ATRNL1: variants seen among roughly 807,000 people sequenced by gnomAD.
ATRNL1 encodes attractin-like protein 1.
Under a neutral mutation model 182.7 loss-of-function variants are expected in ATRNL1, and 95 were observed. The observed-to-expected ratio is 0.52, with a 90% CI of 0.44 to 0.62. The LOEUF (loss-of-function observed/expected upper bound fraction) is 0.62. Ranked by LOEUF, ATRNL1 falls within the 20% of genes least tolerant of loss-of-function variation. ATRNL1 has a pLI of 0.00. For missense variants in ATRNL1, 1,471 were observed against 1,679.5 expected (o/e 0.88, Z 2.17); for synonymous variants, 576 against 568.3 (o/e 1.01, Z -0.19).
At chr10:115,257,798 G>T (rs1851219106) in intron 10 of ATRNL1, among the ~76,000 whole-genome samples, 1 of 152,174 alleles carries the variant, frequency 6.6e-6, no homozygotes, top group South Asian at 2.1e-4. Context: ...TGTAAGGCAG[G>T]CCTGATGGTG....
chr10:115,658,090 C>CTTTTTTTT (rs71010038), intron 26 of ATRNL1, among the ~76,000 whole-genome samples: 10 of 90,302 alleles, frequency 1.1e-4, no homozygotes, highest in East Asian at 3.7e-4. Flanking sequence ...AATTTTTTTC[C>CTTTTTTTT]TTTTTTTTTT....
chr10:115,466,701 T>C (rs1168087541), intron 22 of ATRNL1, among the ~76,000 whole-genome samples: 1 of 151,176 alleles, frequency 6.6e-6, no homozygotes, highest in African/African-American at 2.4e-5. Flanking sequence ...TAGGTTATGT[T>C]ATTTTTCCCA....
At chr10:115,827,874 T>C (rs1202294343) in intron 27 of ATRNL1, among the ~76,000 whole-genome samples, 2 of 152,112 alleles carry the variant, frequency 1.3e-5, no homozygotes, top group African/African-American at 4.8e-5. Flanking sequence ...TCCGTGGGGC[T>C]GTCTCTGAAG....
intron 26 of ATRNL1, among the ~76,000 whole-genome samples, chr10:115,560,442 G>A (rs1259303081): frequency 6.6e-6 from 1 of 152,150 alleles, no homozygotes; most frequent in East Asian, 1.9e-4. Context: ...TACAATGCAA[G>A]ATGAGATTTG....
At chr10:115,526,392 T>C (rs1851217667) in intron 25 of ATRNL1, among the ~76,000 whole-genome samples, 1 of 152,226 alleles carries the variant, frequency 6.6e-6, no homozygotes, top group Admixed American at 6.5e-5. Context: ...GGTTTGTTAA[T>C]GGCCTTCAGT....
chr10:115,533,422 T>C (rs1382919745), intron 25 of ATRNL1, among the ~76,000 whole-genome samples: 12 of 151,320 alleles, frequency 7.9e-5, no homozygotes, highest in African/African-American at 2.9e-4. Context: ...GATGGTAGTT[T>C]GTATTTCTGT....
intron 26 of ATRNL1, among the ~76,000 whole-genome samples, chr10:115,668,701 C>A (rs144338014): frequency 3.9e-5 from 6 of 152,186 alleles, no homozygotes; most frequent in African/African-American, 7.2e-5. Context: ...TTACATAAAT[C>A]TTTTACATTT....
chr10:115,609,885 C>T (rs1857066669), intron 26 of ATRNL1, among the ~76,000 whole-genome samples: 1 of 151,998 alleles, frequency 6.6e-6, no homozygotes, highest in African/African-American at 2.4e-5. Context: ...TATCCGTGGC[C>T]CACTCTGTAC....
chr10:115,232,639 A>G (rs1267680556), intron 9 of ATRNL1, among the ~76,000 whole-genome samples: 1 of 151,986 alleles, frequency 6.6e-6, no homozygotes, highest in African/African-American at 2.4e-5. Flanking sequence ...TGTTTTCAAT[A>G]TTGCCTTCCA....
In ATRNL1 at chr10:115,609,167, T is replaced by A. The variant is rs368019922; in HGVS notation, c.3795+59631T>A. ...AATTCCAAATTATTTGTTAAAGATA[T>A]AATTGTAATAGAGCTATAGAGTCTT... is the stretch of plus-strand genomic sequence containing the variant. On this transcript the variant is annotated intron_variant, in intron 26 of 28. Coordinates refer to ENST00000355044, the MANE Select transcript of ATRNL1 (RefSeq NM_207303.4). Among the ~76,000 whole-genome samples, 38 of 152,258 alleles carry A rather than the reference T, an allele frequency of 2.5e-4. 1 individual carries two copies. In the South Asian group the frequency reaches 7.7e-3, roughly 31 times the overall value.
At chr10:115,147,839 T>A (rs7906551) in intron 5 of ATRNL1, among the ~76,000 whole-genome samples, 1,787 of 152,312 alleles carry the variant, frequency 0.012, 33 homozygotes, top group African/African-American at 0.04. Context: ...TTTGTACCAG[T>A]ACCATGCTGT....
At chr10:115,659,001 A>G (rs1860509692) in intron 26 of ATRNL1, among the ~76,000 whole-genome samples, 1 of 152,144 alleles carries the variant, frequency 6.6e-6, no homozygotes, top group Non-Finnish European at 1.5e-5. Context: ...AGCTCTCATA[A>G]GAATGTACTC....
intron 26 of ATRNL1, among the ~76,000 whole-genome samples, chr10:115,634,511 A>G (rs1858734344): frequency 6.6e-6 from 1 of 152,172 alleles, no homozygotes; most frequent in Non-Finnish European, 1.5e-5. Context: ...AATGTCAAAA[A>G]TTCATATAAT....
intron 27 of ATRNL1, among the ~76,000 whole-genome samples, chr10:115,772,113 G>T (rs1485228740): frequency 6.6e-6 from 1 of 152,208 alleles, no homozygotes; most frequent in African/African-American, 2.4e-5. Context: ...GAGATGAAGT[G>T]CCACACTAAC....
chr10:115,708,214 G>A (rs183315029), intron 26 of ATRNL1, among the ~76,000 whole-genome samples: 42 of 151,650 alleles, frequency 2.8e-4, no homozygotes, highest in African/African-American at 9.9e-4. Flanking sequence ...TTAGAGTAGG[G>A]TTCTCTGGCT....
chr10:115,914,076 C>A lies in ATRNL1; in HGVS notation c.4019-30582C>A, dbSNP rs535339091. The stretch of plus-strand genomic sequence containing the variant: ...CTGTTCTCATGATAGTAAGTGAGTT[C>A]TCAGGAGATCTGATGGTTTTATAAG... On this transcript the variant is annotated intron_variant, in intron 28 of 28. Transcript: ENST00000355044. Among the ~76,000 whole-genome samples the A allele has an allele frequency of 2.0e-5, 3 of 152,158 alleles. No homozygotes were observed. The East Asian group carries it at 5.8e-4, about 30-fold the overall frequency.
rs1953895681 is a variant in ATRNL1 at position 115,947,237 on chromosome 10, C to G, written c.*2458C>G. ...GGTTTTTCCCCCTACATTCCAGACA[C>G]TTTAAATTTGGATGCTTTCATTTTT... On this transcript the variant is annotated 3_prime_UTR_variant, in exon 29 of 29. Transcript: ENST00000355044. 1 of 152,558 alleles carries G rather than the reference C, an allele frequency of 6.6e-6. No homozygotes were observed. Among genetic ancestry groups the G allele is most frequent in the South Asian group, 2.1e-4 (1 of 4,834 alleles). 9.5% of individuals were successfully genotyped at this position (152,558 alleles called of 1,614,324 possible).
At chr10:115,106,664 G>T (rs1844026293) in intron 1 of ATRNL1, among the ~76,000 whole-genome samples, 1 of 152,280 alleles carries the variant, frequency 6.6e-6, no homozygotes, top group South Asian at 2.1e-4. Flanking sequence ...TATCTGCTGG[G>T]TTTATCAGGT....
chr10:115,317,885 A>G (rs75002536), intron 18 of ATRNL1, among the ~76,000 whole-genome samples: 2 of 152,076 alleles, frequency 1.3e-5, no homozygotes, highest in Admixed American at 6.5e-5. Context: ...AATACCCTTT[A>G]TTTCTTTCTC....
Sources: allele counts gnomAD v4.1 joint callset (sites outside exome capture counted in the v4.1 genomes callset), GRCh38; gene constraint gnomAD v4.1.1; transcripts MANE v1.5; gene names NCBI Gene and HGNC (gene_info 2026-07-23, HGNC 2026-07-21).